The following FIRRM variants were observed in gnomAD, a reference collection of about 807,000 sequenced individuals.
FIRRM encodes FIGNL1-interacting regulator of recombination and mitosis.
chr1:169,827,301 A>G, the FIRRM span: 2 of 1,016,314 alleles, frequency 2.0e-6, no homozygotes, highest in South Asian at 3.7e-5. Flanking sequence ...AATTTTTATT[A>G]AGTTTCTTTT....
the FIRRM span, chr1:169,795,245 A>G: frequency 6.5e-7 from 1 of 1,530,036 alleles, no homozygotes; most frequent in South Asian, 1.2e-5. Flanking sequence ...TTCTACCTAG[A>G]GAAGGGTGTG....
At chr1:169,788,584 C>G in the FIRRM span, among the ~76,000 whole-genome samples, 13 of 152,294 alleles carry the variant, frequency 8.5e-5, no homozygotes, top group African/African-American at 3.1e-4. Flanking sequence ...GGACTTTCAA[C>G]TGCAGGGGGG....
the FIRRM span, among the ~76,000 whole-genome samples, chr1:169,789,889 T>G: frequency 2.0e-5 from 3 of 152,200 alleles, no homozygotes; most frequent in Non-Finnish European, 4.4e-5. Context: ...TAATTTCCAC[T>G]TATACATAGG....
the FIRRM span, among the ~76,000 whole-genome samples, chr1:169,829,756 A>G: frequency 6.6e-6 from 1 of 152,206 alleles, no homozygotes; most frequent in African/African-American, 2.4e-5. Flanking sequence ...CAGGTCTCTT[A>G]TAGATCTCAG....
chr1:169,798,749 A>G, the FIRRM span: 1 of 359,392 alleles, frequency 2.8e-6, no homozygotes, highest in Non-Finnish European at 5.0e-6. Context: ...CTGTTTACCT[A>G]ATAAATCTTA....
the FIRRM span, chr1:169,804,433 G>A: frequency 6.7e-5 from 23 of 341,214 alleles, no homozygotes; most frequent in South Asian, 2.6e-4. Context: ...CTAGATTTGC[G>A]TATTTAGTTA....
chr1:169,798,839 G>A, the FIRRM span: 1 of 837,470 alleles, frequency 1.2e-6, no homozygotes, highest in Non-Finnish European at 1.6e-6. Flanking sequence ...TTTCAAAAGG[G>A]TTTTATTTTT....
At chr1:169,803,997 TA>T in the FIRRM span, 1 of 913,256 alleles carries the variant, frequency 1.1e-6, no homozygotes, top group Non-Finnish European at 1.5e-6. Context: ...TTATGATCTC[TA>T]ATAGTATGAA....
chr1:169,809,578 T>C, the FIRRM span, among the ~76,000 whole-genome samples: 1 of 152,326 alleles, frequency 6.6e-6, no homozygotes, highest in Non-Finnish European at 1.5e-5. Context: ...GTATGGGGGC[T>C]GCTTAGCCAG....
the FIRRM span, chr1:169,802,615 TTA>T: frequency 6.3e-7 from 1 of 1,590,780 alleles, no homozygotes; most frequent in Non-Finnish European, 8.6e-7. Context: ...TGATTTGTTT[TTA>T]CAGACTGTGA....
the FIRRM span, chr1:169,847,928 A>G: frequency 3.3e-6 from 2 of 604,630 alleles, no homozygotes; most frequent in Non-Finnish European, 5.8e-6. Flanking sequence ...AAAAAAAACT[A>G]TGTTCCAGAC....
the FIRRM span, chr1:169,801,043 T>G: frequency 1.3e-6 from 1 of 743,958 alleles, no homozygotes; most frequent in African/African-American, 1.8e-5. Flanking sequence ...TATTATTAAT[T>G]ATGGCTCTCT....
chr1:169,842,971 G>C, the FIRRM span, among the ~76,000 whole-genome samples: 6 of 152,306 alleles, frequency 3.9e-5, no homozygotes, highest in South Asian at 1.2e-3. Flanking sequence ...TCCCAGCAAA[G>C]CCAAAAAGCC....
At chr1:169,846,187 G>A in the FIRRM span, among the ~76,000 whole-genome samples, 1 of 152,134 alleles carries the variant, frequency 6.6e-6, no homozygotes, top group Non-Finnish European at 1.5e-5. Flanking sequence ...TGAGCAGTAG[G>A]CCTCTCAATA....
chr1:169,840,580 G>A, the FIRRM span, among the ~76,000 whole-genome samples: 1 of 149,212 alleles, frequency 6.7e-6, no homozygotes, highest in African/African-American at 2.5e-5. Flanking sequence ...GTGTGATCTC[G>A]GCTCACTGTG....
At chr1:169,845,948 G>A in the FIRRM span, among the ~76,000 whole-genome samples, 11 of 152,172 alleles carry the variant, frequency 7.2e-5, no homozygotes. Context: ...ACTTTGTCCA[G>A]GTTCATCAGA....
the FIRRM span, among the ~76,000 whole-genome samples, chr1:169,826,416 G>T: frequency 7.0e-6 from 1 of 142,018 alleles, no homozygotes; most frequent in South Asian, 2.2e-4. Context: ...AGGCTGGAGT[G>T]CAGTGGCGCA....
At chr1:169,789,350 T>G in the FIRRM span, among the ~76,000 whole-genome samples, 1 of 152,120 alleles carries the variant, frequency 6.6e-6, no homozygotes, top group African/African-American at 2.4e-5. Flanking sequence ...AAAATCTAAT[T>G]CTCCAGATGA....
At chr1:169,817,951 AT>A in the FIRRM span, among the ~76,000 whole-genome samples, 115 of 150,014 alleles carry the variant, frequency 7.7e-4, no homozygotes, top group Non-Finnish European at 1.3e-3. Context: ...GTTCACACAG[AT>A]TTTTTTTTTT....
Sources: gnomAD v4.1 joint callset for allele counts (sites outside exome capture counted in the v4.1 genomes callset) on GRCh38, gnomAD v4.1.1 for gene constraint, MANE v1.5 for transcripts, NCBI Gene and HGNC (gene_info 2026-07-23, HGNC 2026-07-21) for gene names.